RBPMS: variants seen among roughly 807,000 people sequenced by gnomAD.
RBPMS encodes the protein RNA binding protein, mRNA processing factor, also known as RNA-binding protein with multiple splicing.
A neutral mutation model predicts 26.8 loss-of-function variants in RBPMS; 7 were observed. The ratio of observed to expected loss-of-function variants is 0.26; its 90% CI spans 0.15 to 0.49. The LOEUF (loss-of-function observed/expected upper bound fraction) is 0.49. Ranked by LOEUF, RBPMS falls within the 20% of genes least tolerant of loss-of-function variation. The pLI, the probability that RBPMS is intolerant of heterozygous loss-of-function variation, is 0.98. For synonymous variants in RBPMS, 96 were observed against 93.3 expected, an observed-to-expected ratio of 1.03 and a Z score of -0.17; for missense variants, 186 against 250.0, an observed-to-expected ratio of 0.74 and a Z score of 1.73.
intron 5 of RBPMS, among the ~76,000 whole-genome samples, chr8:30,536,039 A>G (rs770031660): frequency 4.6e-5 from 7 of 152,112 alleles, no homozygotes; most frequent in Non-Finnish European, 8.8e-5. Flanking sequence ...AACATGCGCT[A>G]TGCTAGGTAC....
chr8:30,543,827 T>C (rs1429477047), intron 5 of RBPMS, among the ~76,000 whole-genome samples: 1 of 152,208 alleles, frequency 6.6e-6, no homozygotes, highest in Non-Finnish European at 1.5e-5. Flanking sequence ...TAAAAGTTAG[T>C]CTGTAAAGAG....
In RBPMS at chr8:30,489,452, TTTTTC is replaced by T. The variant is rs569815094; in HGVS notation, c.246+10090_246+10094del. 1.4e-4 allele frequency among the ~76,000 whole-genome samples: 21 copies of T among 151,820 alleles called. No individual in the cohort carries two copies. In the East Asian group the frequency reaches 3.3e-3, roughly 24 times the overall value. On this transcript the variant is annotated intron_variant, in intron 4 of 8. Coordinates refer to ENST00000397323, the MANE Select transcript of RBPMS (RefSeq NM_001008710.3). Reference sequence around the variant, plus strand: ...GACTGGTTTTTATTCCTAAAGTCTCTTTTTCTTTTCTTTTCTTTTTTTCGAGACAG... The same window carrying T: ...GACTGGTTTTTATTCCTAAAGTCTCTTTTTCTTTTCTTTTTTTCGAGACAG...
intron 5 of RBPMS, among the ~76,000 whole-genome samples, chr8:30,538,260 C>CT (rs35741819): frequency 4.6e-4 from 67 of 147,036 alleles, no homozygotes; most frequent in South Asian, 8.6e-4. Flanking sequence ...TTCACCCAAT[C>CT]TTTTTTTTTT....
At chr8:30,499,662 A>T (rs1347201054) in intron 4 of RBPMS, among the ~76,000 whole-genome samples, 1 of 152,208 alleles carries the variant, frequency 6.6e-6, no homozygotes, top group Non-Finnish European at 1.5e-5. Flanking sequence ...AATAGCTTGT[A>T]GTTTTCAAAA....
intron 5 of RBPMS, among the ~76,000 whole-genome samples, chr8:30,539,848 A>T (rs1825195243): frequency 6.6e-6 from 1 of 151,806 alleles, no homozygotes; most frequent in South Asian, 2.1e-4. Context: ...CTGGTCTCGA[A>T]CTCCAGACCT....
chr8:30,523,948 G>T (rs1046082722), intron 5 of RBPMS, among the ~76,000 whole-genome samples: 5 of 151,934 alleles, frequency 3.3e-5, no homozygotes, highest in Non-Finnish European at 7.4e-5. Context: ...ATGTTTTATT[G>T]TTTTAAGTTG....
chr8:30,560,092 C>A (rs1348219770), intron 7 of RBPMS, among the ~76,000 whole-genome samples: 3 of 152,130 alleles, frequency 2.0e-5, no homozygotes, highest in Non-Finnish European at 4.4e-5. Flanking sequence ...GCTGAACTCG[C>A]GCAGGTCAGT....
chr8:30,546,340 T>C (rs371846030), intron 6 of RBPMS, among the ~76,000 whole-genome samples: 47 of 152,276 alleles, frequency 3.1e-4, no homozygotes, highest in African/African-American at 1.1e-3. Flanking sequence ...TAATCAAGAG[T>C]TGACAACAGC....
intron 1 of RBPMS, among the ~76,000 whole-genome samples, chr8:30,413,724 C>T (rs554357852): frequency 6.6e-6 from 1 of 152,298 alleles, no homozygotes; most frequent in Admixed American, 6.5e-5. Context: ...AGCAATTCTC[C>T]TGCCTCAGCC....
chr8:30,519,792 C>T (rs927974669), intron 5 of RBPMS, among the ~76,000 whole-genome samples: 23 of 152,162 alleles, frequency 1.5e-4, no homozygotes, highest in South Asian at 4.2e-4. Context: ...CGCGCCTGGC[C>T]GGATCTCTCT....
chr8:30,385,170 C>A lies in RBPMS; in HGVS notation c.66+12C>A. ...TTCAGGAGGAGGAGGTACTGGGCGG[C>A]TCGGTGTGGTGGCGGGGGCGACGCG... is the stretch of plus-strand genomic sequence containing the variant. On this transcript the variant is annotated intron_variant, in intron 1 of 8. Transcript: ENST00000397323. 6.7e-7 allele frequency: 1 copy of A among 1,482,042 alleles called. No homozygotes were observed. The highest frequency in any genetic ancestry group is 9.0e-7 in the Non-Finnish European group (1 of 1,113,814). 91.8% of individuals were successfully genotyped at this position (1,482,042 alleles called of 1,614,324 possible).
At chr8:30,567,203 A>C (rs565236925) in intron 8 of RBPMS, among the ~76,000 whole-genome samples, 1 of 152,344 alleles carries the variant, frequency 6.6e-6, no homozygotes, top group South Asian at 2.1e-4. Context: ...TTCCTGCTAC[A>C]GAGAACCAAG....
intron 4 of RBPMS, among the ~76,000 whole-genome samples, chr8:30,483,668 A>G (rs764446231): frequency 1.2e-4 from 18 of 152,102 alleles, no homozygotes; most frequent in Non-Finnish European, 2.4e-4. Flanking sequence ...GGCATTAATT[A>G]CATTCACCAT....
Position 30,452,572 on chromosome 8 carries a change from G to A in RBPMS, c.67-22207G>A, listed in dbSNP as rs1248620831. Among the ~76,000 whole-genome samples, 4 of 152,302 alleles carry A rather than the reference G, an allele frequency of 2.6e-5. No homozygotes were observed. The East Asian group carries it at 7.7e-4, about 29-fold the overall frequency. ...TAAAAATACTGCTAGTGAGTGCATA[G>A]GGAGGATCCGTATCTCATTTCTTTT... On this transcript the variant is annotated intron_variant, in intron 1 of 8. Coordinates refer to ENST00000397323, the MANE Select transcript of RBPMS (RefSeq NM_001008710.3).
In RBPMS at chr8:30,467,795, A is replaced by G. The variant is rs188649495; in HGVS notation, c.67-6984A>G. On this transcript the variant is annotated intron_variant, in intron 1 of 8. Coordinates refer to ENST00000397323, the MANE Select transcript of RBPMS (RefSeq NM_001008710.3). Reference sequence around the variant, plus strand: ...AAGAATATTTCTAAGGACAGTGGACATGCTGAGTTTGTATTTTCAAACGAA... The same window carrying G: ...AAGAATATTTCTAAGGACAGTGGACGTGCTGAGTTTGTATTTTCAAACGAA... Among the ~76,000 whole-genome samples, 11 of 152,336 alleles carry G rather than the reference A, an allele frequency of 7.2e-5. No individual in the cohort carries two copies. In the East Asian group the frequency reaches 2.1e-3, roughly 29 times the overall value.
chr8:30,484,375 A>G (rs1054823939), intron 4 of RBPMS, among the ~76,000 whole-genome samples: 1 of 152,184 alleles, frequency 6.6e-6, no homozygotes, highest in African/African-American at 2.4e-5. Context: ...GTTCTAAGTA[A>G]TGGAACTGCG....
chr8:30,450,486 G>A (rs1263078177), intron 1 of RBPMS, among the ~76,000 whole-genome samples: 1 of 152,142 alleles, frequency 6.6e-6, no homozygotes, highest in Non-Finnish European at 1.5e-5. Flanking sequence ...GTCATGGGAG[G>A]TCACTTCAGG....
chr8:30,512,593 C>T (rs928951892), intron 5 of RBPMS, among the ~76,000 whole-genome samples: 1 of 151,976 alleles, frequency 6.6e-6, no homozygotes, highest in Non-Finnish European at 1.5e-5. Flanking sequence ...GGCTGAAGCC[C>T]GAGTGATCCT....
intron 1 of RBPMS, among the ~76,000 whole-genome samples, chr8:30,414,165 C>T (rs1384090304): frequency 7.1e-6 from 1 of 140,078 alleles, no homozygotes; most frequent in East Asian, 2.5e-4. Context: ...TCATTGATTG[C>T]TGTCTATGCT....
Sources: allele counts gnomAD v4.1 joint callset (sites outside exome capture counted in the v4.1 genomes callset), GRCh38; gene constraint gnomAD v4.1.1; transcripts MANE v1.5; gene names NCBI Gene and HGNC (gene_info 2026-07-23, HGNC 2026-07-21).